Variants in GALNTL6 observed in about 807,000 individuals in gnomAD.
GALNTL6 encodes polypeptide N-acetylgalactosaminyltransferase like 6.
Under a neutral mutation model 73.7 loss-of-function variants are expected in GALNTL6, and 46 were observed. The ratio of observed to expected loss-of-function variants is 0.62; its 90% CI spans 0.49 to 0.80. The LOEUF is 0.80. Among genes scored for constraint, GALNTL6 ranks in the 30% least tolerant of loss-of-function variants. GALNTL6 has a pLI of 0.00. For synonymous variants in GALNTL6, 259 were observed against 263.7 expected (o/e 0.98, Z 0.17); for missense variants, 604 against 755.0 (o/e 0.80, Z 2.34).
intron 5 of GALNTL6, among the ~76,000 whole-genome samples, chr4:172,572,535 T>C (rs1736799215): frequency 6.6e-6 from 1 of 152,076 alleles, no homozygotes; most frequent in African/African-American, 2.4e-5. Flanking sequence ...CCCCTGAAAA[T>C]TGTCATCAGT....
At chr4:171,951,114 C>G (rs1310753067) in intron 2 of GALNTL6, among the ~76,000 whole-genome samples, 1 of 151,732 alleles carries the variant, frequency 6.6e-6, no homozygotes, top group Non-Finnish European at 1.5e-5. Flanking sequence ...AAAAACATTC[C>G]AGGTGTGTGT....
intron 2 of GALNTL6, among the ~76,000 whole-genome samples, chr4:171,932,730 G>T (rs1012419273): frequency 2.0e-5 from 3 of 152,024 alleles, no homozygotes; most frequent in Non-Finnish European, 2.9e-5. Context: ...GAAATAGAAT[G>T]GTATACACAT....
intron 2 of GALNTL6, among the ~76,000 whole-genome samples, chr4:172,116,499 C>T (rs1046867032): frequency 1.3e-5 from 2 of 152,010 alleles, no homozygotes; most frequent in African/African-American, 4.8e-5. Context: ...TCAAACTCCT[C>T]GTCTCAGTGA....
At chr4:172,458,133 C>T (rs1455052090) in intron 5 of GALNTL6, among the ~76,000 whole-genome samples, 5 of 151,744 alleles carry the variant, frequency 3.3e-5, no homozygotes, top group South Asian at 2.1e-4. Context: ...GGGTAAATAA[C>T]GAAATTAAGG....
chr4:172,087,742 G>C (rs1024231442), intron 2 of GALNTL6, among the ~76,000 whole-genome samples: 2 of 147,784 alleles, frequency 1.4e-5, no homozygotes, highest in African/African-American at 5.0e-5. Flanking sequence ...AACATAAACA[G>C]TGATTACCTA....
At chr4:172,999,711 A>T (rs1048390572) in intron 10 of GALNTL6, among the ~76,000 whole-genome samples, 1 of 151,906 alleles carries the variant, frequency 6.6e-6, no homozygotes, top group African/African-American at 2.4e-5. Flanking sequence ...AACAGTTGTC[A>T]AGAGCTGTAA....
chr4:172,629,597 C>T (rs1739308120), intron 5 of GALNTL6, among the ~76,000 whole-genome samples: 2 of 152,160 alleles, frequency 1.3e-5, no homozygotes, highest in African/African-American at 4.8e-5. Flanking sequence ...TAAAATTCAA[C>T]AGTTACCACT....
At chr4:172,138,162 G>GA (rs1233693110) in intron 2 of GALNTL6, among the ~76,000 whole-genome samples, 1 of 151,806 alleles carries the variant, frequency 6.6e-6, no homozygotes, top group Non-Finnish European at 1.5e-5. Flanking sequence ...ATGATTGGTT[G>GA]AAAAAACTTA....
chr4:172,745,233 G>T (rs1271372398), intron 5 of GALNTL6, among the ~76,000 whole-genome samples: 2 of 151,696 alleles, frequency 1.3e-5, no homozygotes, highest in Non-Finnish European at 2.9e-5. Flanking sequence ...AGATAAAGAG[G>T]ATATGGTAAG....
intron 2 of GALNTL6, among the ~76,000 whole-genome samples, chr4:171,896,164 A>G (rs1054211732): frequency 3.9e-5 from 6 of 152,382 alleles, no homozygotes; most frequent in Non-Finnish European, 7.3e-5. Flanking sequence ...AAAGATTTAT[A>G]TTACAGATTT....
At chr4:173,012,155 TCA>T (rs1413185274) in intron 11 of GALNTL6, among the ~76,000 whole-genome samples, 2 of 152,188 alleles carry the variant, frequency 1.3e-5, no homozygotes, top group African/African-American at 4.8e-5. Flanking sequence ...TATGTACTCA[TCA>T]CACTCATCTC....
intron 8 of GALNTL6, among the ~76,000 whole-genome samples, chr4:172,912,174 A>C: frequency 6.6e-6 from 1 of 152,282 alleles, no homozygotes; most frequent in Middle Eastern, 3.4e-3. Flanking sequence ...TTCACCCAAA[A>C]CCAAATAACA....
At chr4:172,536,681 T>C (rs1401348685) in intron 5 of GALNTL6, among the ~76,000 whole-genome samples, 2 of 152,204 alleles carry the variant, frequency 1.3e-5, no homozygotes, top group African/African-American at 2.4e-5. Context: ...CATTTACTTT[T>C]ATTCATTCAC....
chr4:172,271,496 C>T (rs1738649639), intron 3 of GALNTL6, among the ~76,000 whole-genome samples: 1 of 152,016 alleles, frequency 6.6e-6, no homozygotes, highest in African/African-American at 2.4e-5. Context: ...TATATACAAA[C>T]ATACATGTGA....
chr4:172,661,881 G>A (rs1560864017), intron 5 of GALNTL6, among the ~76,000 whole-genome samples: 1 of 152,162 alleles, frequency 6.6e-6, no homozygotes, highest in Admixed American at 6.5e-5. Flanking sequence ...CAGCAAAACA[G>A]TCCCTGATGT....
intron 2 of GALNTL6, among the ~76,000 whole-genome samples, chr4:171,988,415 G>C (rs888605992): frequency 6.6e-6 from 1 of 152,190 alleles, no homozygotes; most frequent in African/African-American, 2.4e-5. Context: ...GTACAGCCCA[G>C]GTAATTTGCT....
intron 2 of GALNTL6, among the ~76,000 whole-genome samples, chr4:171,897,821 G>A (rs1017589983): frequency 6.6e-6 from 1 of 151,092 alleles, no homozygotes; most frequent in Admixed American, 6.6e-5. Context: ...CCAGCTACTC[G>A]GGAGGCTGAG....
At chr4:173,002,568 G>C (rs1423247397) in intron 10 of GALNTL6, among the ~76,000 whole-genome samples, 1 of 151,758 alleles carries the variant, frequency 6.6e-6, no homozygotes, top group Non-Finnish European at 1.5e-5. Context: ...GCCAAGGTGG[G>C]TGGATCATGA....
intron 5 of GALNTL6, among the ~76,000 whole-genome samples, chr4:172,599,475 G>A (rs1444733176): frequency 6.6e-6 from 1 of 152,000 alleles, no homozygotes; most frequent in Non-Finnish European, 1.5e-5. Flanking sequence ...GACCCTACTT[G>A]CCAGTTGTTA....
Sources: gnomAD v4.1 joint callset for allele counts (sites outside exome capture counted in the v4.1 genomes callset) on GRCh38, gnomAD v4.1.1 for gene constraint, MANE v1.5 for transcripts, NCBI Gene and HGNC (gene_info 2026-07-23, HGNC 2026-07-21) for gene names.